The following SCAI variants were observed in gnomAD, a reference collection of about 807,000 sequenced individuals.
SCAI encodes suppressor of cancer cell invasion.
A neutral mutation model predicts 92.2 loss-of-function variants in SCAI; 24 were observed. That is an observed-to-expected ratio of 0.26 (90% CI 0.19 to 0.37). SCAI has a LOEUF of 0.37. Ranked by LOEUF, SCAI falls within the 10% of genes least tolerant of loss-of-function variation. SCAI has a pLI of 1.00. For missense variants in SCAI, 450 were observed against 736.2 expected (o/e 0.61, Z 4.50); for synonymous variants, 261 against 258.6 (o/e 1.01, Z -0.09).
At chr9:125,034,334 G>A (rs550232042) in intron 3 of SCAI, among the ~76,000 whole-genome samples, 1 of 152,288 alleles carries the variant, frequency 6.6e-6, no homozygotes, top group African/African-American at 2.4e-5. Flanking sequence ...AGGGCAAACT[G>A]AAAATGTCCA....
intron 2 of SCAI, among the ~76,000 whole-genome samples, chr9:125,107,890 T>C (rs1834835052): frequency 6.6e-6 from 1 of 152,218 alleles, no homozygotes; most frequent in South Asian, 2.1e-4. Context: ...GAGCGGAAGC[T>C]GGACTGTACT....
chr9:125,137,468 A>C (rs1471408586), intron 2 of SCAI, among the ~76,000 whole-genome samples: 1 of 152,210 alleles, frequency 6.6e-6, no homozygotes, highest in African/African-American at 2.4e-5. Context: ...TAGTCCCCAC[A>C]GTGTACGCAT....
intron 14 of SCAI, among the ~76,000 whole-genome samples, chr9:124,980,212 C>T (rs951085759): frequency 2.0e-5 from 3 of 152,022 alleles, no homozygotes; most frequent in African/African-American, 7.2e-5. Context: ...AGCCATGTCG[C>T]TTTTCCTCTT....
rs565934635 is a variant in SCAI, at chr9:125,114,948, T to G, written c.98+27685A>C. ...ACACCATGCCCAGCTAATTTTTATA[T>G]GTTTAGTAGAGACCGGGTTTTGCCA... On this transcript the variant is annotated intron_variant, in intron 2 of 17. Transcript: ENST00000336505. Among the ~76,000 whole-genome samples the G allele has an allele frequency of 4.3e-3, 648 of 152,166 alleles. 6 individuals are homozygous for G. Among genetic ancestry groups the G allele is most frequent in the African/African-American group, 0.015 (620 of 41,532 alleles).
chr9:124,948,372 AAC>A lies in SCAI; in HGVS notation c.*4433_*4434del, dbSNP rs1212698400. 6.6e-6 allele frequency: 1 copy of A among 152,236 alleles called. No homozygotes were observed. The highest frequency in any genetic ancestry group is 2.4e-5 in the African/African-American group (1 of 41,464). 9.4% of individuals were successfully genotyped at this position (152,236 alleles called of 1,614,324 possible). On this transcript the variant is annotated 3_prime_UTR_variant, in exon 18 of 18. Transcript: ENST00000336505. ...TTTGAGAGCACCACTTTCTAAGAGA[AAC>A]ACACACATGCAAATGAAGAATACAT... is the stretch of plus-strand genomic sequence containing the variant.
chr9:125,013,848 A>C (rs1832691101), intron 9 of SCAI, among the ~76,000 whole-genome samples: 1 of 152,228 alleles, frequency 6.6e-6, no homozygotes, highest in African/African-American at 2.4e-5. Context: ...AGTGGGCTTC[A>C]TCCCTGGGAT....
chr9:125,010,468 G>T (rs955402352), intron 9 of SCAI, among the ~76,000 whole-genome samples: 5 of 152,218 alleles, frequency 3.3e-5, no homozygotes, highest in Non-Finnish European at 5.9e-5. Flanking sequence ...AGGCAGCAGC[G>T]AGGCTGGGGG....
chr9:125,028,318 C>CTA, intron 5 of SCAI, 74 bp downstream of exon 5: 1 of 807,090 alleles, frequency 1.2e-6, no homozygotes, highest in Non-Finnish European at 2.0e-6. Flanking sequence ...AATGAGTATA[C>CTA]TATGTATGTA....
At chr9:125,061,129 C>G (rs1264172299) in intron 2 of SCAI, among the ~76,000 whole-genome samples, 2 of 152,104 alleles carry the variant, frequency 1.3e-5, no homozygotes, top group Admixed American at 1.3e-4. Flanking sequence ...AACCCTGTCT[C>G]TACTAAAAAT....
rs1554783862 is a variant in SCAI, at chr9:125,042,634, TACACAC to T, written c.231-12901_231-12896del. ...CAGAGTATGTGTGTGTGTGTGTGTG[TACACAC>T]ACACACACACACACACACACACACA... On this transcript the variant is annotated intron_variant, in intron 3 of 17. Transcript: ENST00000336505. Among the ~76,000 whole-genome samples the T allele has an allele frequency of 3.1e-4, 30 of 96,214 alleles. No homozygotes were observed. The Middle Eastern group carries it at 0.019, about 61-fold the overall frequency. The allele number at this position is 96,214 out of a possible 152,430, so 63.1% of individuals were successfully genotyped here.
At chr9:125,078,363 C>A (rs1834138452) in intron 2 of SCAI, among the ~76,000 whole-genome samples, 1 of 151,616 alleles carries the variant, frequency 6.6e-6, no homozygotes, top group African/African-American at 2.4e-5. Context: ...CACATCTCTA[C>A]CAAAAATACA....
rs1831093434 is a variant in SCAI at position 124,943,542 on chromosome 9, A to T, written c.*9265T>A. 1 of 152,214 alleles carries T rather than the reference A, an allele frequency of 6.6e-6. No homozygotes were observed. The highest frequency in any genetic ancestry group is 1.5e-5 in the Non-Finnish European group (1 of 68,030). 9.4% of individuals were successfully genotyped at this position (152,214 alleles called of 1,614,324 possible). A position where few individuals can be genotyped will look rare whatever the true frequency, so the allele number is the denominator to read the frequency against. ...GAGCTAATATAACTCTATAATCCCT[A>T]TAGTGTTAAAATTCTATAACATTTC... On this transcript the variant is annotated 3_prime_UTR_variant, in exon 18 of 18. Coordinates refer to ENST00000336505, the MANE Select transcript of SCAI (RefSeq NM_001144877.3).
intron 9 of SCAI, among the ~76,000 whole-genome samples, chr9:125,012,457 G>C (rs1429174554): frequency 6.6e-6 from 1 of 152,110 alleles, no homozygotes; most frequent in Non-Finnish European, 1.5e-5. Flanking sequence ...AATGGTAAAG[G>C]GATCGATTCA....
At chr9:125,004,490 G>T (rs1450940414) in intron 9 of SCAI, among the ~76,000 whole-genome samples, 1 of 150,912 alleles carries the variant, frequency 6.6e-6, no homozygotes, top group Non-Finnish European at 1.5e-5. Context: ...CAAAACACCT[G>T]GCTAATTTTT....
At chr9:125,035,918 CCAG>C (rs1298655449) in intron 3 of SCAI, among the ~76,000 whole-genome samples, 2 of 152,172 alleles carry the variant, frequency 1.3e-5, no homozygotes, top group Non-Finnish European at 2.9e-5. Context: ...AATTAGCCAA[CCAG>C]CAGCCCTCGG....
At chr9:125,020,540 A>G (rs1832851197) in intron 7 of SCAI, 133 bp downstream of exon 7, 1 of 496,130 alleles carries the variant, frequency 2.0e-6, no homozygotes, top group Non-Finnish European at 3.6e-6. Context: ...TACCCTTGTC[A>G]GAAGTTACTA....
chr9:125,044,357 C>A (rs905859557), intron 3 of SCAI, among the ~76,000 whole-genome samples: 4 of 152,090 alleles, frequency 2.6e-5, no homozygotes, highest in East Asian at 1.9e-4. Flanking sequence ...CAGACTCATA[C>A]CCTCTGTGGG....
chr9:125,072,929 T>A (rs540997293), intron 2 of SCAI, among the ~76,000 whole-genome samples: 15 of 152,152 alleles, frequency 9.9e-5, no homozygotes, highest in African/African-American at 3.4e-4. Flanking sequence ...GCTTCTCCAT[T>A]CATCCACTGA....
At chr9:125,051,318 C>CT (rs1833556416) in intron 3 of SCAI, among the ~76,000 whole-genome samples, 1 of 152,146 alleles carries the variant, frequency 6.6e-6, no homozygotes, top group Admixed American at 6.6e-5. Context: ...CTACCATGCC[C>CT]AGCCAATTAT....
Sources: gnomAD v4.1 joint callset for allele counts (sites outside exome capture counted in the v4.1 genomes callset) on GRCh38, gnomAD v4.1.1 for gene constraint, MANE v1.5 for transcripts, NCBI Gene and HGNC (gene_info 2026-07-23, HGNC 2026-07-21) for gene names.